Variants in SLC12A5 observed in about 807,000 individuals in gnomAD.
SLC12A5 encodes solute carrier family 12 member 5, also known as K-Cl cotransporter 2.
Under a neutral mutation model 124.0 loss-of-function variants are expected in SLC12A5, and 18 were observed. The observed-to-expected ratio is 0.15, with a 90% CI of 0.10 to 0.22. The LOEUF (loss-of-function observed/expected upper bound fraction) is 0.22. Ranked by LOEUF, SLC12A5 falls within the 10% of genes least tolerant of loss-of-function variation. The pLI is 1.00. For synonymous variants in SLC12A5, 589 were observed against 568.0 expected (o/e 1.04, Z -0.53); for missense variants, 867 against 1,478.7 (o/e 0.59, Z 6.78).
At chr20:46,042,837 G>A (rs1282041494) in intron 8 of SLC12A5, among the ~76,000 whole-genome samples, 2 of 152,098 alleles carry the variant, frequency 1.3e-5, no homozygotes, top group East Asian at 1.9e-4. Flanking sequence ...GAGCTGGTTT[G>A]GGGTGGGTGG....
upstream of SLC12A5, among the ~76,000 whole-genome samples, chr20:46,027,412 A>G (rs1025720582): frequency 9.9e-5 from 15 of 152,230 alleles, 1 homozygote; most frequent in Admixed American, 3.3e-4. Context: ...GACAAATTGT[A>G]TTAATACAAG....
chr20:46,057,143 G>C lies in SLC12A5; in HGVS notation c.3126-27G>C, dbSNP rs773134235. The C allele has an allele frequency of 4.1e-5, 66 of 1,612,482 alleles. No homozygotes were observed. The South Asian group carries it at 6.9e-4, about 17-fold the overall frequency. ...TCTTCTCTACCCCCCCGGCTCACGC[G>C]GTCTCCACTCCTCCTTCCTGCCGCA... On this transcript the variant is annotated intron_variant, in intron 24 of 25. Transcript: ENST00000243964. The surrounding 1 kb of genome is among the most constrained non-coding windows in gnomAD (Gnocchi z 7.1).
Position 46,057,187 on chromosome 20 carries a change from G to A in SLC12A5, c.3143G>A (p.Arg1048Gln), listed in dbSNP as rs1291356001. ...TGCCGCAGGAACCAGTCCAACGTGC[G>A]GCGCATGCACACGGCCGTGCGGCTG... ...EWENLNQSNV[R>Q]RMHTAVRLNE... is the part of the protein sequence containing the mutation. The change falls in exon 25 of 26, where the codon CGG becomes CAG. Residue 1048 changes from arginine to glutamine, a missense_variant. Arg to Gln is a conservative substitution (Grantham distance 43, BLOSUM62 1). Coordinates refer to ENST00000243964, the MANE Select transcript of SLC12A5 (RefSeq NM_020708.5). The surrounding 1 kb of genome is among the most constrained non-coding windows in gnomAD (Gnocchi z 7.1). 3 of 1,614,058 alleles carry A rather than the reference G, an allele frequency of 1.9e-6. No individual in the cohort carries two copies. The highest frequency in any genetic ancestry group is 1.6e-4 in the Middle Eastern group (1 of 6,068).
intron 1 of SLC12A5, among the ~76,000 whole-genome samples, chr20:46,022,243 G>T (rs1226399072): frequency 2.6e-5 from 4 of 151,924 alleles, no homozygotes; most frequent in Non-Finnish European, 5.9e-5. Context: ...CTCGAGTAGG[G>T]AGCGGGACCA....
chr20:46,056,057 A>T lies in SLC12A5; in HGVS notation c.2788-93A>T, dbSNP rs1012189205. 2.6e-6 allele frequency: 4 copies of T among 1,541,280 alleles called. No individual in the cohort carries two copies. Among genetic ancestry groups the T allele is most frequent in the Non-Finnish European group, 3.5e-6 (4 of 1,135,892 alleles). ...CAACTGGTACAGTTCCAGAAAGTGC[A>T]TCCTGGCTGAACATCATCTCTGGTG... On this transcript the variant is annotated intron_variant, in intron 21 of 25. Transcript: ENST00000243964. This position sits in a 1 kb window ranked among gnomAD's most constrained non-coding sequence, Gnocchi z 4.3.
Position 46,058,397 on chromosome 20 carries a change from C to A in SLC12A5, c.*792C>A. ...TTGGCTTCCCACCCTCCTCTCCAGTCCTTTTCCGAGATGAGGTGAGACAAG... is the reference window on the plus strand; with the variant it reads ...TTGGCTTCCCACCCTCCTCTCCAGTACTTTTCCGAGATGAGGTGAGACAAG... On this transcript the variant is annotated 3_prime_UTR_variant, in exon 26 of 26. Coordinates refer to ENST00000243964, the MANE Select transcript of SLC12A5 (RefSeq NM_020708.5). This position sits in a 1 kb window ranked among gnomAD's most constrained non-coding sequence, Gnocchi z 5.8. 2.5e-6 allele frequency: 1 copy of A among 398,744 alleles called. No homozygotes were observed. Among genetic ancestry groups the A allele is most frequent in the South Asian group, 1.3e-4 (1 of 7,558 alleles). The allele number at this position is 398,744 out of a possible 1,614,324, so 24.7% of individuals were successfully genotyped here. A position where few individuals can be genotyped will look rare whatever the true frequency, so the allele number is the denominator to read the frequency against.
Position 46,057,178 on chromosome 20 carries a change from C to T in SLC12A5, c.3134C>T (p.Ser1045Phe). Reference sequence around the variant, plus strand: ...CCTCCTTCCTGCCGCAGGAACCAGTCCAACGTGCGGCGCATGCACACGGCC... The same window carrying T: ...CCTCCTTCCTGCCGCAGGAACCAGTTCAACGTGCGGCGCATGCACACGGCC... ...MKPEWENLNQSNVRRMHTAVR... is the reference protein window; with the variant it reads ...MKPEWENLNQFNVRRMHTAVR... Residue 1045 changes from serine to phenylalanine, a missense_variant, in exon 25 of 26, where the codon TCC becomes TTC. Around this residue, in one of 9 missense-constraint regions of SLC12A5, gnomAD observed 180 missense variants for 243.6 expected, o/e 0.74. Transcript: ENST00000243964. The surrounding 1 kb of genome is among the most constrained non-coding windows in gnomAD (Gnocchi z 7.1). The T allele has an allele frequency of 6.2e-7, 1 of 1,614,178 alleles. No individual in the cohort carries two copies.
intron 1 of SLC12A5, among the ~76,000 whole-genome samples, chr20:46,032,170 C>T (rs1205401147): frequency 6.6e-6 from 1 of 152,208 alleles, no homozygotes; most frequent in Admixed American, 6.5e-5. Context: ...GGCGCGCGGC[C>T]GGCTAGGCTC....
At chr20:46,038,718 G>T (rs746786119) in intron 6 of SLC12A5, among the ~76,000 whole-genome samples, 2 of 152,178 alleles carry the variant, frequency 1.3e-5, no homozygotes, top group Non-Finnish European at 2.9e-5. Flanking sequence ...GTCACAAACA[G>T]CATTGTAACT....
At chr20:46,042,549 G>A (rs1280680554) in intron 8 of SLC12A5, among the ~76,000 whole-genome samples, 2 of 152,210 alleles carry the variant, frequency 1.3e-5, no homozygotes, top group South Asian at 2.1e-4. Context: ...GGTGTACCTG[G>A]CATCTAGTAG....
At chr20:46,047,831 G>C (rs2084609850) in intron 15 of SLC12A5, 150 bp from the exon 16 acceptor site, 1 of 849,760 alleles carries the variant, frequency 1.2e-6, no homozygotes, top group South Asian at 1.8e-5. Context: ...CTTAGCCAAG[G>C]CTTGGTTGAG....
chr20:46,057,248 G>C lies in SLC12A5; in HGVS notation c.3204G>C (p.Lys1068Asn). 7.4e-6 allele frequency: 12 copies of C among 1,614,208 alleles called. No homozygotes were observed. The highest frequency in any genetic ancestry group is 1.0e-5 in the Non-Finnish European group (12 of 1,180,036). ...EVIVKKSRDA[K>N]LVLLNMPGPP... ...TCGTGAAGAAATCCCGGGACGCCAA[G>C]CTTGTTTTGCTCAACATGCCTGGGC... is the stretch of plus-strand genomic sequence containing the variant. Residue 1068 changes from lysine (K) to asparagine (N), a missense_variant, in exon 25 of 26, where the codon AAG becomes AAC. By Grantham distance (94) the Lys-to-Asn change is moderately conservative. Around this residue, in one of 9 missense-constraint regions of SLC12A5, gnomAD observed 180 missense variants for 243.6 expected, o/e 0.74. Coordinates refer to ENST00000243964, the MANE Select transcript of SLC12A5 (RefSeq NM_020708.5). This position sits in a 1 kb window ranked among gnomAD's most constrained non-coding sequence, Gnocchi z 7.1.
upstream of SLC12A5, among the ~76,000 whole-genome samples, chr20:46,024,393 T>C (rs2084379650): frequency 6.6e-6 from 1 of 152,162 alleles, no homozygotes; most frequent in Admixed American, 6.5e-5. Context: ...CCTGAAGCAG[T>C]CTCAAGCACC....
Position 46,046,160 on chromosome 20 carries a change from G to A in SLC12A5, c.1688+164G>A, listed in dbSNP as rs117967385. Among the ~76,000 whole-genome samples, 5 of 152,268 alleles carry A rather than the reference G, an allele frequency of 3.3e-5. No individual in the cohort carries two copies. The East Asian group carries it at 5.8e-4, about 18-fold the overall frequency. ...TTGTTATAGAGAGATTCATCCACAC[G>A]TGTTATTAGGGTGTGTTGTGAGGGT... On this transcript the variant is annotated intron_variant, in intron 13 of 25. Transcript: ENST00000243964.
chr20:46,022,943 GGGAGGAGGAGGAGGAGGAGGAGGA>G (rs34923327), exon 2 of SLC12A5: 43 of 366,100 alleles, frequency 1.2e-4, no homozygotes, highest in Middle Eastern at 6.5e-4. Flanking sequence ...CCCCAGCGAG[GGGAGGAGGAGGAGGAGGAGGAGGA>G]GGAGGAGGAA....
At position 46,053,616 on chromosome 20, in the gene SLC12A5, C is replaced by A. The variant is rs2145504277; in HGVS notation, c.2586C>A (p.Ala862=). 1 of 1,613,970 alleles carries A rather than the reference C, an allele frequency of 6.2e-7. No homozygotes were observed. The highest frequency in any genetic ancestry group is 8.5e-7 in the Non-Finnish European group (1 of 1,179,912). The change falls in exon 20 of 26, where the codon GCC becomes GCA. Residue 862 remains alanine, a synonymous_variant. Transcript: ENST00000243964. This position sits in a 1 kb window ranked among gnomAD's most constrained non-coding sequence, Gnocchi z 4.7. ...RKCKMRIFTV[A]QMDDNSIQMK... is the part of the protein sequence containing the mutation. ...GCAAGATGCGTATCTTCACTGTGGCCCAGATGGATGACAATAGCATCCAGA... is the reference window on the plus strand; with the variant it reads ...GCAAGATGCGTATCTTCACTGTGGCACAGATGGATGACAATAGCATCCAGA...
At chr20:46,039,531 T>C (rs1434658369) in intron 6 of SLC12A5, among the ~76,000 whole-genome samples, 1 of 152,116 alleles carries the variant, frequency 6.6e-6, no homozygotes, top group Admixed American at 6.5e-5. Flanking sequence ...TCCCAGAACT[T>C]TGGGAGGCCG....
intron 7 of SLC12A5, 60 bp downstream of exon 7, chr20:46,040,674 G>T: frequency 6.3e-7 from 1 of 1,588,072 alleles, no homozygotes. Context: ...CCCTGTTTCA[G>T]AGTCTCTGCC....
In SLC12A5 at chr20:46,049,719, C is replaced by T. The variant is rs1600602344; in HGVS notation, c.2110C>T (p.Leu704=). 1.9e-6 allele frequency: 3 copies of T among 1,604,828 alleles called. No homozygotes were observed. The highest frequency in any genetic ancestry group is 2.6e-6 in the Non-Finnish European group (3 of 1,176,360). ...CTCCCAGCTGAAGGCGGGGAAGGGC[C>T]TGACCATCGTGGGCTCTGTCCTTGA... ...LTSQLKAGKG[L]TIVGSVLEGT... The change falls in exon 17 of 26, where the codon CTG becomes TTG. Residue 704 remains leucine, a synonymous_variant. Coordinates refer to ENST00000243964, the MANE Select transcript of SLC12A5 (RefSeq NM_020708.5).
Sources: allele counts gnomAD v4.1 joint callset (sites outside exome capture counted in the v4.1 genomes callset), GRCh38; gene constraint gnomAD v4.1.1; regional missense constraint gnomAD v4.1.1; non-coding constraint Gnocchi (gnomAD v3.1); transcripts MANE v1.5; gene names NCBI Gene and HGNC (gene_info 2026-07-23, HGNC 2026-07-21).